Variants in OBI1 observed in about 807,000 individuals in gnomAD.
OBI1 encodes the protein ring finger protein 219.
Under a neutral mutation model 62.4 loss-of-function variants are expected in OBI1, and 59 were observed. The observed-to-expected ratio is 0.95, with a 90% CI of 0.77 to 1.17. The LOEUF (loss-of-function observed/expected upper bound fraction) is 1.17, where lower values mean the gene tolerates loss of function less well. Among genes scored for constraint, OBI1 ranks in the 50% most tolerant of loss-of-function variants. The pLI, the probability that OBI1 is intolerant of heterozygous loss-of-function variation, is 0.00. For synonymous variants in OBI1, 302 were observed against 292.8 expected (o/e 1.03, Z -0.32); for missense variants, 875 against 830.9 (o/e 1.05, Z -0.65).
At chr13:78,627,846 C>T (rs1006771786) in intron 5 of OBI1, among the ~76,000 whole-genome samples, 5 of 152,064 alleles carry the variant, frequency 3.3e-5, no homozygotes, top group African/African-American at 1.2e-4. Context: ...AATAACGCAC[C>T]CTCATTTTAT....
chr13:78,627,295 T>G (rs1000319462), intron 5 of OBI1, among the ~76,000 whole-genome samples: 1 of 145,806 alleles, frequency 6.9e-6, no homozygotes, highest in Non-Finnish European at 1.5e-5. Flanking sequence ...CACCTCTACC[T>G]GTTTTATTTA....
rs758150985 is a variant in OBI1, at chr13:78,616,818, G to A, written c.943C>T (p.Pro315Ser). Residue 315 changes from proline to serine, a missense_variant, in exon 6 of 6, where the codon CCT becomes TCT. Transcript: ENST00000282003. ...GTGTCACACAGTCTGCTGCTGGAAG[G>A]CTTCGCTAGGTGAGAAGAACTGGAG... is the stretch of plus-strand genomic sequence containing the variant. ...STSSSSHLAK[P>S]SSSRLCDTSS... 6 of 1,614,092 alleles carry A rather than the reference G, an allele frequency of 3.7e-6. No individual in the cohort carries two copies. The highest frequency in any genetic ancestry group is 4.2e-6 in the Non-Finnish European group (5 of 1,180,038).
At chr13:78,640,284 G>A (rs369101981) in intron 3 of OBI1, among the ~76,000 whole-genome samples, 1 of 152,108 alleles carries the variant, frequency 6.6e-6, no homozygotes, top group East Asian at 1.9e-4. Context: ...ATCCATGGAT[G>A]TTCAAGTTCC....
At chr13:78,628,716 G>A (rs980285381) in intron 5 of OBI1, among the ~76,000 whole-genome samples, 2 of 152,146 alleles carry the variant, frequency 1.3e-5, no homozygotes, top group South Asian at 4.1e-4. Context: ...ACAGTTTTGA[G>A]TATGGTGAAA....
intron 1 of OBI1, among the ~76,000 whole-genome samples, chr13:78,649,450 G>T (rs1382707902): frequency 1.3e-5 from 2 of 152,194 alleles, no homozygotes; most frequent in African/African-American, 4.8e-5. Context: ...GGATTTAACT[G>T]CTTGGAAGTC....
intron 5 of OBI1, among the ~76,000 whole-genome samples, chr13:78,626,780 T>C (rs948584481): frequency 3.9e-5 from 6 of 152,090 alleles, no homozygotes; most frequent in African/African-American, 1.4e-4. Context: ...AGACCAAGAA[T>C]ATTGGGGCCA....
rs551648729 is a variant in OBI1, at chr13:78,653,878, A to C, written c.72+5171T>G. 4.1e-4 allele frequency among the ~76,000 whole-genome samples: 62 copies of C among 152,308 alleles called. 2 individuals carry two copies. The South Asian group carries it at 0.013, about 32-fold the overall frequency. ...ACCTGGAAAGACTATGTAAAGGATT[A>C]GTCTTCAGTGTAAAAATGACTATGG... is the stretch of plus-strand genomic sequence containing the variant. On this transcript the variant is annotated intron_variant, in intron 1 of 5. Coordinates refer to ENST00000282003, the MANE Select transcript of OBI1 (RefSeq NM_024546.4).
chr13:78,616,399 C>A lies in OBI1; in HGVS notation c.1362G>T (p.Lys454Asn), dbSNP rs1184186757. 2 of 1,612,882 alleles carry A rather than the reference C, an allele frequency of 1.2e-6. No homozygotes were observed. Among genetic ancestry groups the A allele is most frequent in the Non-Finnish European group, 8.5e-7 (1 of 1,179,410 alleles). The change falls in exon 6 of 6, where the codon AAG becomes AAT. Residue 454 changes from lysine (K) to asparagine (N), a missense_variant. Transcript: ENST00000282003. ...EDDISRSENE[K>N]KSECFSSPKT... ...TTGGGGAAGAAAAACATTCTGATTTCTTTTCATTTTCACTTCTACTTATAT... is the reference window on the plus strand; with the variant it reads ...TTGGGGAAGAAAAACATTCTGATTTATTTTCATTTTCACTTCTACTTATAT...
rs1163755466 is a variant in OBI1 at position 78,616,233 on chromosome 13, T to C, written c.1528A>G (p.Arg510Gly). 6.2e-7 allele frequency: 1 copy of C among 1,613,926 alleles called. No homozygotes were observed. The highest frequency in any genetic ancestry group is 1.1e-5 in the South Asian group (1 of 91,058). ...TCAAAAGAGCGAATAGAATTCAACC[T>C]TTTGGATAAACATAAGCCTGATTTC... is the stretch of plus-strand genomic sequence containing the variant. Reference protein sequence around the residue: ...SEKSGLCLSKRLNSIRSFEMN... With the variant: ...SEKSGLCLSKGLNSIRSFEMN... The change falls in exon 6 of 6, where the codon AGG becomes GGG. Residue 510 changes from arginine to glycine, a missense_variant. Arg to Gly is a moderately radical substitution (Grantham distance 125, BLOSUM62 -2). Coordinates refer to ENST00000282003, the MANE Select transcript of OBI1 (RefSeq NM_024546.4).
At chr13:78,645,621 T>G (rs2137461910) in intron 1 of OBI1, among the ~76,000 whole-genome samples, 1 of 151,810 alleles carries the variant, frequency 6.6e-6, no homozygotes, top group East Asian at 2.0e-4. Flanking sequence ...CAGGCTCCAT[T>G]TAAACAAGCA....
intron 5 of OBI1, 173 bp from the exon 6 acceptor site, chr13:78,617,295 T>G (rs1183156948): frequency 2.2e-5 from 11 of 500,622 alleles, no homozygotes; most frequent in Middle Eastern, 1.0e-3. Context: ...TTTCCCCACT[T>G]ACATAATAAT....
chr13:78,635,177 C>G lies in OBI1; in HGVS notation c.571G>C (p.Glu191Gln). 6.2e-7 allele frequency: 1 copy of G among 1,606,436 alleles called. No homozygotes were observed. Among genetic ancestry groups the G allele is most frequent in the Non-Finnish European group, 8.5e-7 (1 of 1,175,182 alleles). ...TTCTCCCTCACCAGACCACCATTTTCCAATTTCAATTTTTTATTTGCCTAA... is the reference window on the plus strand; with the variant it reads ...TTCTCCCTCACCAGACCACCATTTTGCAATTTCAATTTTTTATTTGCCTAA... ...LKEANKKLKL[E>Q]NGGLVRENLR... The change falls in exon 5 of 6, where the codon GAA becomes CAA. Residue 191 changes from glutamate to glutamine, a missense_variant. Glu to Gln is a conservative substitution (Grantham distance 29). Transcript: ENST00000282003.
intron 1 of OBI1, among the ~76,000 whole-genome samples, chr13:78,653,053 A>C (rs1315624421): frequency 6.6e-6 from 1 of 152,156 alleles, no homozygotes; most frequent in Middle Eastern, 3.2e-3. Flanking sequence ...TCTACCACCA[A>C]ATCCCCTTTC....
intron 5 of OBI1, among the ~76,000 whole-genome samples, chr13:78,623,270 T>TAAA (rs34129925): frequency 2.9e-5 from 4 of 136,198 alleles, no homozygotes; most frequent in African/African-American, 8.0e-5. Flanking sequence ...AGAGAACATT[T>TAAA]AAAAAAAAAA....
In OBI1 at chr13:78,615,544, T is replaced by G; in HGVS notation, c.*36A>C. On this transcript the variant is annotated 3_prime_UTR_variant, in exon 6 of 6. Transcript: ENST00000282003. Reference sequence around the variant, plus strand: ...AACTTTAACAACTTTTCTATTTCTCTCAGGACAAAACCACAAATGACACCT... The same window carrying G: ...AACTTTAACAACTTTTCTATTTCTCGCAGGACAAAACCACAAATGACACCT... The G allele has an allele frequency of 6.8e-7, 1 of 1,466,868 alleles. No individual in the cohort carries two copies. The highest frequency in any genetic ancestry group is 2.2e-5 in the Admixed American group (1 of 44,878). The allele number at this position is 1,466,868 out of a possible 1,614,324, so 90.9% of individuals were successfully genotyped here.
At chr13:78,646,956 G>A (rs993216016) in intron 1 of OBI1, among the ~76,000 whole-genome samples, 3 of 152,192 alleles carry the variant, frequency 2.0e-5, no homozygotes, top group Non-Finnish European at 2.9e-5. Flanking sequence ...AGAAACATGT[G>A]TTGCATGGAA....
intron 1 of OBI1, among the ~76,000 whole-genome samples, chr13:78,658,656 C>G (rs1876784551): frequency 6.6e-6 from 1 of 152,142 alleles, no homozygotes; most frequent in Admixed American, 6.5e-5. Flanking sequence ...GGTGAGGCTC[C>G]CAGGAAATGT....
intron 1 of OBI1, among the ~76,000 whole-genome samples, chr13:78,656,792 A>ATTTTTTTTT (rs869148028): frequency 1.5e-5 from 1 of 67,196 alleles, no homozygotes; most frequent in Non-Finnish European, 2.7e-5. Context: ...TTTATTTTTA[A>ATTTTTTTTT]TTTTTTTTTT....
chr13:78,658,782 C>A (rs1488641465), intron 1 of OBI1, among the ~76,000 whole-genome samples: 1 of 152,194 alleles, frequency 6.6e-6, no homozygotes. Context: ...TGTGAGGCCG[C>A]GGGCGGTGGC....
Sources: allele counts gnomAD v4.1 joint callset (sites outside exome capture counted in the v4.1 genomes callset), GRCh38; gene constraint gnomAD v4.1.1; transcripts MANE v1.5; gene names NCBI Gene and HGNC (gene_info 2026-07-23, HGNC 2026-07-21).